The following ADAM32 variants were observed in gnomAD, a reference collection of about 807,000 sequenced individuals.
The protein encoded by ADAM32 is disintegrin and metalloproteinase domain-containing protein 32.
Under a neutral mutation model 114.9 loss-of-function variants are expected in ADAM32, and 89 were observed. The ratio of observed to expected loss-of-function variants is 0.77; its 90% CI spans 0.65 to 0.92. The LOEUF (loss-of-function observed/expected upper bound fraction) is 0.92. ADAM32 is among the 40% of genes least tolerant of loss of function. ADAM32 has a pLI of 0.00. For missense variants in ADAM32, 870 were observed against 932.8 expected, an observed-to-expected ratio of 0.93 and a Z score of 0.88; for synonymous variants, 285 against 307.5, an observed-to-expected ratio of 0.93 and a Z score of 0.77.
At chr8:39,208,457 A>T (rs996045807) in intron 11 of ADAM32, among the ~76,000 whole-genome samples, 5 of 152,204 alleles carry the variant, frequency 3.3e-5, no homozygotes, top group African/African-American at 1.2e-4. Context: ...TACACACCAT[A>T]GTTACAGTGT....
chr8:39,112,185 C>G (rs77480036), intron 1 of ADAM32, among the ~76,000 whole-genome samples: 2 of 152,124 alleles, frequency 1.3e-5, no homozygotes, highest in Admixed American at 1.3e-4. Flanking sequence ...GGACTTTTCT[C>G]TAGACACTTA....
chr8:39,233,185 A>T (rs1809863427), intron 15 of ADAM32, among the ~76,000 whole-genome samples: 1 of 152,180 alleles, frequency 6.6e-6, no homozygotes, highest in Non-Finnish European at 1.5e-5. Context: ...AAGAAAGTAA[A>T]GGAATAAAAG....
intron 14 of ADAM32, 97 bp from the exon 15 acceptor site, chr8:39,231,930 T>C (rs1333589502): frequency 5.1e-6 from 5 of 988,246 alleles, no homozygotes; most frequent in Non-Finnish European, 7.7e-6. Flanking sequence ...TTCAATTAGA[T>C]ATTAATGGAG....
At chr8:39,152,524 C>A (rs964420607) in intron 6 of ADAM32, among the ~76,000 whole-genome samples, 1 of 151,754 alleles carries the variant, frequency 6.6e-6, no homozygotes, top group Non-Finnish European at 1.5e-5. Flanking sequence ...GAGTTCAAGA[C>A]CAGCCTTGCC....
chr8:39,243,624 A>G (rs1284790791), intron 16 of ADAM32, among the ~76,000 whole-genome samples: 1 of 152,202 alleles, frequency 6.6e-6, no homozygotes, highest in Admixed American at 6.5e-5. Flanking sequence ...TAGAAGGGAC[A>G]TACCTTAAGG....
chr8:39,118,270 C>A, intron 2 of ADAM32, 105 bp downstream of exon 2: 1 of 592,262 alleles, frequency 1.7e-6, no homozygotes, highest in South Asian at 5.1e-5. Flanking sequence ...TATAATGTCT[C>A]TTGTATTTCT....
intron 2 of ADAM32, among the ~76,000 whole-genome samples, chr8:39,133,180 C>T (rs959909963): frequency 6.6e-6 from 1 of 152,014 alleles, no homozygotes; most frequent in African/African-American, 2.4e-5. Flanking sequence ...TGGCTTGGTG[C>T]CATCCTTATG....
Position 39,186,927 on chromosome 8 carries a change from C to A in ADAM32, c.934C>A (p.Leu312Met). ...ATTATAGTACCCCAAGGAGATAACTCTGGAGGCATTTGCAGTTATTGTCAC... is the reference window on the plus strand; with the variant it reads ...ATTATAGTACCCCAAGGAGATAACTATGGAGGCATTTGCAGTTATTGTCAC... ...GVALYPKEIT[L>M]EAFAVIVTQM... Residue 312 changes from leucine (L) to methionine (M), a missense_variant, in exon 11 of 25, where the codon CTG becomes ATG. Transcript: ENST00000379907. 1 of 1,611,728 alleles carries A rather than the reference C, an allele frequency of 6.2e-7. No homozygotes were observed. Among genetic ancestry groups the A allele is most frequent in the Non-Finnish European group, 8.5e-7 (1 of 1,178,604 alleles).
At chr8:39,134,183 G>A (rs1802638993) in intron 2 of ADAM32, among the ~76,000 whole-genome samples, 1 of 152,098 alleles carries the variant, frequency 6.6e-6, no homozygotes, top group Non-Finnish European at 1.5e-5. Flanking sequence ...GGGCTGTTGG[G>A]TCCCAGGTCA....
rs764664916 is a variant in ADAM32, at chr8:39,149,852, C to G, written c.338C>G (p.Thr113Arg). Residue 113 changes from threonine to arginine, a missense_variant, in exon 5 of 25, where the codon ACG becomes AGG. Coordinates refer to ENST00000379907, the MANE Select transcript of ADAM32 (RefSeq NM_145004.7). ...CCAGATTCCATGGTCACACTCAGCACGTGCTCTGGACTAAGGTTGTTTTCT... is the reference window on the plus strand; with the variant it reads ...CCAGATTCCATGGTCACACTCAGCAGGTGCTCTGGACTAAGGTTGTTTTCT... ...GYPDSMVTLS[T>R]CSGLRGILQF... 17 of 1,610,746 alleles carry G rather than the reference C, an allele frequency of 1.1e-5. No homozygotes were observed. The highest frequency in any genetic ancestry group is 2.7e-5 in the African/African-American group (2 of 74,834).
chr8:39,195,059 C>T (rs1806874281), intron 11 of ADAM32, among the ~76,000 whole-genome samples: 2 of 152,148 alleles, frequency 1.3e-5, no homozygotes, highest in Admixed American at 1.3e-4. Flanking sequence ...TGTTTTGGGG[C>T]CAGGAAGAAG....
chr8:39,261,540 A>G (rs1480043062), intron 19 of ADAM32, among the ~76,000 whole-genome samples: 1 of 152,194 alleles, frequency 6.6e-6, no homozygotes, highest in East Asian at 1.9e-4. Context: ...TCTCTTCGAT[A>G]CAATGGTTTC....
At chr8:39,225,304 C>T (rs562308730) in intron 14 of ADAM32, among the ~76,000 whole-genome samples, 10 of 152,280 alleles carry the variant, frequency 6.6e-5, no homozygotes, top group South Asian at 4.1e-4. Flanking sequence ...GTGCTTGAGA[C>T]GCTGACTCTC....
At chr8:39,223,466 ATTC>A (rs1268360636) in intron 14 of ADAM32, 3 of 237,804 alleles carry the variant, frequency 1.3e-5, no homozygotes, top group African/African-American at 6.8e-5. Flanking sequence ...ATACGCGCTA[ATTC>A]TTCTTGTTAA....
chr8:39,214,223 A>G (rs930885589), intron 12 of ADAM32, among the ~76,000 whole-genome samples: 1 of 152,178 alleles, frequency 6.6e-6, no homozygotes, highest in Non-Finnish European at 1.5e-5. Context: ...TTGCTAGATC[A>G]TATGGTAGCT....
At chr8:39,150,016 T>G (rs1803729415) in intron 5 of ADAM32, 149 bp downstream of exon 5, 1 of 531,104 alleles carries the variant, frequency 1.9e-6, no homozygotes, top group Non-Finnish European at 3.2e-6. Context: ...TTTCCAATTC[T>G]CTTATTTCTC....
At chr8:39,220,331 G>T (rs998003427) in intron 12 of ADAM32, among the ~76,000 whole-genome samples, 1 of 152,068 alleles carries the variant, frequency 6.6e-6, no homozygotes, top group African/African-American at 2.4e-5. Flanking sequence ...TACTGGCTTT[G>T]TTACATATAA....
intron 2 of ADAM32, among the ~76,000 whole-genome samples, chr8:39,132,944 T>A (rs1802551394): frequency 6.6e-6 from 1 of 152,176 alleles, no homozygotes; most frequent in South Asian, 2.1e-4. Context: ...TTGGTGTGTA[T>A]CTTCTTGTAT....
Position 39,211,266 on chromosome 8 carries a change from C to T in ADAM32, c.1175C>T (p.Pro392Leu). The T allele has an allele frequency of 1.3e-6, 2 of 1,596,654 alleles. No homozygotes were observed. Among genetic ancestry groups the T allele is most frequent in the Non-Finnish European group, 1.7e-6 (2 of 1,171,680 alleles). The change falls in exon 12 of 25, where the codon CCA (proline) becomes CTA (leucine). Residue 392 changes from proline (P) to leucine (L), a missense_variant. Transcript: ENST00000379907. ...CAAATGCAAAAAAAATCTCCGAAAC[C>T]AGTCTGTGGCAATGGCAGATTGGAG... is the stretch of plus-strand genomic sequence containing the variant. ...KPQMQKKSPKPVCGNGRLEGN... is the reference protein window; with the variant it reads ...KPQMQKKSPKLVCGNGRLEGN...
Sources: allele counts gnomAD v4.1 joint callset (sites outside exome capture counted in the v4.1 genomes callset), GRCh38; gene constraint gnomAD v4.1.1; transcripts MANE v1.5; gene names NCBI Gene and HGNC (gene_info 2026-07-23, HGNC 2026-07-21).